The following TEX15 variants were observed in gnomAD, a reference collection of about 807,000 sequenced individuals.
TEX15 encodes the protein testis-expressed protein 15.
Under a neutral mutation model 237.3 loss-of-function variants are expected in TEX15, and 171 were observed. The observed-to-expected ratio is 0.72, with a 90% confidence interval of 0.64 to 0.82. The LOEUF (loss-of-function observed/expected upper bound fraction) is 0.82, where lower values mean the gene tolerates loss of function less well. TEX15 is among the 40% of genes least tolerant of loss of function. The pLI, the probability that TEX15 is intolerant of heterozygous loss-of-function variation, is 0.00. For missense variants in TEX15, 3,750 were observed against 3,646.5 expected, an observed-to-expected ratio of 1.03 and a Z score of -0.73; for synonymous variants, 1,338 against 1,269.8, an observed-to-expected ratio of 1.05 and a Z score of -1.14.
In TEX15 at chr8:30,848,797, T is replaced by G; in HGVS notation, c.1370A>C (p.Gln457Pro). 6.2e-7 allele frequency: 1 copy of G among 1,614,186 alleles called. No individual in the cohort carries two copies. Among genetic ancestry groups the G allele is most frequent in the South Asian group, 1.1e-5 (1 of 91,084 alleles). Residue 457 changes from glutamine (Q) to proline (P), a missense_variant, in exon 8 of 11, where the codon CAA becomes CCA. By Grantham distance (76) the Gln-to-Pro change is moderately conservative. Transcript: ENST00000643185. The part of the protein sequence containing the change: ...SSTAGLNEVL[Q>P]FEKSSDNVNS... ...AACATTATCTGAACTCTTCTCAAATTGCAAAACCTCATTTAAGCCTGCAGT... is the reference window on the plus strand; with the variant it reads ...AACATTATCTGAACTCTTCTCAAATGGCAAAACCTCATTTAAGCCTGCAGT...
intron 2 of TEX15, among the ~76,000 whole-genome samples, chr8:30,893,237 GCTAGGAAGGGCAGAAT>G (rs1808831278): frequency 6.6e-6 from 1 of 152,174 alleles, no homozygotes; most frequent in South Asian, 2.1e-4. Context: ...AGGACACAGA[GCTAGGAAGGGCAGAAT>G]CTGGAATTCA....
At chr8:30,866,508 C>T in intron 5 of TEX15, among the ~76,000 whole-genome samples, 1 of 152,062 alleles carries the variant, frequency 6.6e-6, no homozygotes, top group East Asian at 1.9e-4. Context: ...CAACTAAGCA[C>T]ACTTTATATC....
chr8:30,897,467 T>C lies in TEX15; in HGVS notation c.-10+1275A>G, dbSNP rs1434555011. Among the ~76,000 whole-genome samples, 3 of 152,200 alleles carry C rather than the reference T, an allele frequency of 2.0e-5. No homozygotes were observed. The East Asian group carries it at 5.8e-4, about 29-fold the overall frequency. On this transcript the variant is annotated intron_variant, in intron 2 of 10. Coordinates refer to ENST00000643185, the MANE Select transcript of TEX15 (RefSeq NM_001350162.2). Reference sequence around the variant, plus strand: ...TAGAACATTTATTTGCCTAGAGTATTTCCTTCCATGACTATGGTATTTTTG... The same window carrying C: ...TAGAACATTTATTTGCCTAGAGTATCTCCTTCCATGACTATGGTATTTTTG...
In TEX15 at chr8:30,832,342, T is replaced by C. The variant is rs1251463869; in HGVS notation, c.*944A>G. The C allele has an allele frequency of 6.6e-6, 1 of 152,326 alleles. No individual in the cohort carries two copies. The highest frequency in any genetic ancestry group is 1.9e-4 in the East Asian group (1 of 5,192). The allele number at this position is 152,326 out of a possible 1,614,324, so 9.4% of individuals were successfully genotyped here. On this transcript the variant is annotated 3_prime_UTR_variant, in exon 11 of 11. Coordinates refer to ENST00000643185, the MANE Select transcript of TEX15 (RefSeq NM_001350162.2). ...TAACCCTTGAGAAAGGTCTATCCAG[T>C]TGTGAGGGCTCTGTCTGACTAGGAT...
rs201135018 is a variant in TEX15, at chr8:30,842,253, T to C, written c.7914A>G (p.Leu2638=). 4.3e-5 allele frequency: 69 copies of C among 1,613,666 alleles called. No individual in the cohort carries two copies. Among genetic ancestry groups the C allele is most frequent in the East Asian group, 3.6e-4 (16 of 44,824 alleles). The change falls in exon 8 of 11, where the codon CTA becomes CTG. Residue 2638 remains leucine (L), a synonymous_variant. Coordinates refer to ENST00000643185, the MANE Select transcript of TEX15 (RefSeq NM_001350162.2). Reference sequence around the variant, plus strand: ...TCCTTCTGTTATACAGCATTTGGCATAGGAAAAAGGAAATGGTTAGTTCAG... The same window carrying C: ...TCCTTCTGTTATACAGCATTTGGCACAGGAAAAAGGAAATGGTTAGTTCAG... ...KNAELTISFF[L]CQMLYNRRKI...
rs763654373 is a variant in TEX15 at position 30,842,084 on chromosome 8, G to A, written c.8083C>T (p.Arg2695Ter). The change falls in exon 8 of 11, where the codon CGA (arginine) becomes TGA (stop). Residue 2695 changes from arginine to a stop codon, truncating the protein, a stop_gained. Transcript: ENST00000643185. LOFTEE classifies it high-confidence loss of function. ...TCACATTTGTCTACAGTGCTCGGTC[G>A]TTTTTTAGAGGAATTTGAGATGTTT... ...NKNISNSSKK[R>*]PSTVDKCEDS... is the part of the protein sequence containing the mutation. 21 of 1,613,448 alleles carry A rather than the reference G, an allele frequency of 1.3e-5. No individual in the cohort carries two copies. The highest frequency in any genetic ancestry group is 8.9e-5 in the East Asian group (4 of 44,832).
Position 30,847,468 on chromosome 8 carries a change from T to C in TEX15, c.2699A>G (p.Asp900Gly), listed in dbSNP as rs374142449. The change falls in exon 8 of 11, where the codon GAT becomes GGT. Residue 900 changes from aspartate to glycine, a missense_variant. Coordinates refer to ENST00000643185, the MANE Select transcript of TEX15 (RefSeq NM_001350162.2). Reference protein sequence around the residue: ...SHTNENFSNIDEKEDKNYHNI... With the variant: ...SHTNENFSNIGEKEDKNYHNI... ...GTGGTAATTTTTGTCCTCCTTTTCA[T>C]CTATATTGCTGAAATTTTCGTTTGT... The C allele has an allele frequency of 9.9e-6, 16 of 1,612,342 alleles. No homozygotes were observed. The Admixed American group carries it at 1.2e-4, about 12-fold the overall frequency.
chr8:30,884,611 T>C (rs1585307825), intron 3 of TEX15, among the ~76,000 whole-genome samples: 1 of 152,340 alleles, frequency 6.6e-6, no homozygotes, highest in East Asian at 1.9e-4. Flanking sequence ...GGTCACCAAA[T>C]TTATGGGCCC....
At position 30,902,962 on chromosome 8, in the gene TEX15, C is replaced by T. The variant is rs78227455; in HGVS notation, c.-85-4145G>A. On this transcript the variant is annotated intron_variant, in intron 1 of 10. Coordinates refer to ENST00000643185, the MANE Select transcript of TEX15 (RefSeq NM_001350162.2). The stretch of plus-strand genomic sequence containing the variant: ...TGCACAGACTTTGTCTGTTGCCCCT[C>T]AGGGAAAAGGCAAGAGAGGGATTAT... 1.2e-3 allele frequency among the ~76,000 whole-genome samples: 187 copies of T among 152,308 alleles called. 2 individuals carry two copies. Among genetic ancestry groups the T allele is most frequent in the African/African-American group, 4.4e-3 (181 of 41,550 alleles).
intron 4 of TEX15, among the ~76,000 whole-genome samples, chr8:30,869,948 TAAAAG>T (rs780010511): frequency 7.2e-5 from 11 of 151,852 alleles, no homozygotes; most frequent in Non-Finnish European, 1.0e-4. Context: ...TAAAAATACA[TAAAAG>T]AATAATTTTC....
rs1335250162 is a variant in TEX15, at chr8:30,843,828, A to G, written c.6339T>C (p.Leu2113=). ...GTTGAAATCCACGTGGTTTTCCAAG[A>G]AGCTCAGCATACAGTGTTTCATCAT... ...LWYDETLYAE[L]LGKPRGFQQQ... The change falls in exon 8 of 11, where the codon CTT becomes CTC. Residue 2113 remains leucine, a synonymous_variant. Transcript: ENST00000643185. The G allele has an allele frequency of 6.2e-7, 1 of 1,612,952 alleles. No individual in the cohort carries two copies. The highest frequency in any genetic ancestry group is 1.7e-5 in the Admixed American group (1 of 59,916).
chr8:30,904,793 A>T (rs944542256), intron 1 of TEX15, among the ~76,000 whole-genome samples: 1 of 152,218 alleles, frequency 6.6e-6, no homozygotes, highest in Admixed American at 6.5e-5. Context: ...TCCACATTTT[A>T]GTATGAAAAA....
At chr8:30,887,024 C>CT in intron 3 of TEX15, 143 bp downstream of exon 3, 1 of 654,214 alleles carries the variant, frequency 1.5e-6, no homozygotes, top group Non-Finnish European at 2.4e-6. Flanking sequence ...TGAGTGGAAA[C>CT]ATAAGTACAT....
At chr8:30,872,293 G>GAAA (rs1808306823) in intron 4 of TEX15, among the ~76,000 whole-genome samples, 1 of 152,082 alleles carries the variant, frequency 6.6e-6, no homozygotes, top group Admixed American at 6.6e-5. Context: ...TAATGGAGCT[G>GAAA]AAAAATTCCT....
chr8:30,911,630 T>C (rs1809221477), intron 1 of TEX15, among the ~76,000 whole-genome samples: 1 of 152,182 alleles, frequency 6.6e-6, no homozygotes, highest in Non-Finnish European at 1.5e-5. Context: ...TGCTTCACAC[T>C]GCACTTAGAG....
intron 1 of TEX15, among the ~76,000 whole-genome samples, chr8:30,903,714 T>C (rs929141913): frequency 7.2e-5 from 11 of 152,178 alleles, no homozygotes; most frequent in Admixed American, 6.5e-4. Context: ...ACAAATGCCA[T>C]CCTCTGTGTT....
chr8:30,907,278 G>A (rs1451844829), intron 1 of TEX15, among the ~76,000 whole-genome samples: 1 of 152,002 alleles, frequency 6.6e-6, no homozygotes, highest in Non-Finnish European at 1.5e-5. Flanking sequence ...AGAATGCTGT[G>A]ATCAGTACTC....
In TEX15 at chr8:30,846,125, T is replaced by C. The variant is rs780513628; in HGVS notation, c.4042A>G (p.Lys1348Glu). Reference protein sequence around the residue: ...CFSSLSQGRIKTFSQSEKHIK... With the variant: ...CFSSLSQGRIETFSQSEKHIK... ...TGCTTTTCTGACTGTGAAAATGTTT[T>C]AATTCGTCCTTGGGATAATGAAGAG... The change falls in exon 8 of 11, where the codon AAA becomes GAA. Residue 1348 changes from lysine (K) to glutamate (E), a missense_variant. Lys to Glu is a moderately conservative substitution (Grantham distance 56). Coordinates refer to ENST00000643185, the MANE Select transcript of TEX15 (RefSeq NM_001350162.2). 6.2e-7 allele frequency: 1 copy of C among 1,613,628 alleles called. No individual in the cohort carries two copies.
chr8:30,898,174 A>G (rs1808941645), intron 2 of TEX15, among the ~76,000 whole-genome samples: 1 of 152,182 alleles, frequency 6.6e-6, no homozygotes, highest in Non-Finnish European at 1.5e-5. Flanking sequence ...AGCACAAAGT[A>G]TACTTCCTTA....
Sources: gnomAD v4.1 joint callset for allele counts (sites outside exome capture counted in the v4.1 genomes callset) on GRCh38, gnomAD v4.1.1 for gene constraint, MANE v1.5 for transcripts, NCBI Gene and HGNC (gene_info 2026-07-23, HGNC 2026-07-21) for gene names.